ZKSCAN5: variants seen among roughly 807,000 people sequenced by gnomAD.
ZKSCAN5 encodes the protein zinc finger with KRAB and SCAN domains 5.
Under a neutral mutation model 60.0 loss-of-function variants are expected in ZKSCAN5, and 28 were observed. The observed-to-expected ratio is 0.47, with a 90% CI of 0.35 to 0.64. ZKSCAN5 has a LOEUF of 0.64. Ranked by LOEUF, ZKSCAN5 falls within the 30% of genes least tolerant of loss-of-function variation. The pLI, the probability that ZKSCAN5 is intolerant of heterozygous loss-of-function variation, is 0.01. For synonymous variants in ZKSCAN5, 361 were observed against 371.2 expected (o/e 0.97, Z 0.31); for missense variants, 881 against 1,034.6 (o/e 0.85, Z 2.04).
Position 99,506,316 on chromosome 7 carries a change from A to C in ZKSCAN5, c.272A>C (p.Glu91Ala), listed in dbSNP as rs751020828. The change falls in exon 2 of 7, where the codon GAG (glutamate) becomes GCG (alanine). Residue 91 changes from glutamate to alanine, a missense_variant. Transcript: ENST00000326775. ...PELHTKEQIL[E>A]LLVLEQFLTI... ...CTGCACACGAAGGAGCAGATCCTGG[A>C]GCTGCTGGTGCTGGAGCAGTTCCTG... The C allele has an allele frequency of 6.2e-7, 1 of 1,614,232 alleles. No homozygotes were observed. Among genetic ancestry groups the C allele is most frequent in the Non-Finnish European group, 8.5e-7 (1 of 1,180,040 alleles).
rs143166996 is a variant in ZKSCAN5, at chr7:99,533,574, G to A, written c.*1325G>A. On this transcript the variant is annotated 3_prime_UTR_variant, in exon 7 of 7. Transcript: ENST00000326775. Reference sequence around the variant, plus strand: ...CACAGCTCTTGTTCTCCAGAAACTGGAGAATTGCCCTCAGGAGATGAGAGC... The same window carrying A: ...CACAGCTCTTGTTCTCCAGAAACTGAAGAATTGCCCTCAGGAGATGAGAGC... 1.5e-4 allele frequency: 60 copies of A among 412,806 alleles called. No individual in the cohort carries two copies. In the East Asian group the frequency reaches 2.1e-3, roughly 14 times the overall value. The allele number at this position is 412,806 out of a possible 1,614,324, so 25.6% of individuals were successfully genotyped here.
Position 99,533,188 on chromosome 7 carries a change from T to G in ZKSCAN5, c.*939T>G. ...GTGCCCCAGAAATAGACCTCTCCTG[T>G]AGAGTGGTGATATACAGAATGAGTT... On this transcript the variant is annotated 3_prime_UTR_variant, in exon 7 of 7. Transcript: ENST00000326775. 1.6e-6 allele frequency: 1 copy of G among 608,526 alleles called. No homozygotes were observed. Among genetic ancestry groups the G allele is most frequent in the Non-Finnish European group, 3.1e-6 (1 of 324,966 alleles). The allele number at this position is 608,526 out of a possible 1,614,324, so 37.7% of individuals were successfully genotyped here.
Position 99,533,203 on chromosome 7 carries a change from C to A in ZKSCAN5, c.*954C>A, listed in dbSNP as rs779477064. 12 of 645,776 alleles carry A rather than the reference C, an allele frequency of 1.9e-5. No individual in the cohort carries two copies. The highest frequency in any genetic ancestry group is 1.8e-4 in the South Asian group (12 of 66,038). The allele number at this position is 645,776 out of a possible 1,614,324, so 40.0% of individuals were successfully genotyped here. ...ACCTCTCCTGTAGAGTGGTGATATA[C>A]AGAATGAGTTTCAGTTTGCATTGCA... On this transcript the variant is annotated 3_prime_UTR_variant, in exon 7 of 7. Transcript: ENST00000326775.
chr7:99,513,959 C>T (rs1801156741), intron 3 of ZKSCAN5, among the ~76,000 whole-genome samples: 1 of 152,052 alleles, frequency 6.6e-6, no homozygotes. Flanking sequence ...GCATGAGAAT[C>T]GTTTGAACCC....
chr7:99,515,931 T>G (rs185396060), intron 3 of ZKSCAN5, among the ~76,000 whole-genome samples: 9 of 151,774 alleles, frequency 5.9e-5, no homozygotes, highest in Non-Finnish European at 1.2e-4. Context: ...GAGCTAGGAT[T>G]TGAACCCAAG....
At chr7:99,527,281 A>T (rs1014363375) in intron 6 of ZKSCAN5, among the ~76,000 whole-genome samples, 1 of 152,218 alleles carries the variant, frequency 6.6e-6, no homozygotes, top group African/African-American at 2.4e-5. Flanking sequence ...AGTGAGCTAT[A>T]AATGTGTCTG....
Position 99,532,203 on chromosome 7 carries a change from G to T in ZKSCAN5, c.2474G>T (p.Arg825Met). The T allele has an allele frequency of 6.2e-7, 1 of 1,609,034 alleles. No individual in the cohort carries two copies. The highest frequency in any genetic ancestry group is 8.5e-7 in the Non-Finnish European group (1 of 1,178,562). ...SLFKHLRSHERTDPINTLSVE... is the reference protein window; with the variant it reads ...SLFKHLRSHEMTDPINTLSVE... ...TTTAAACACCTGAGAAGCCATGAGA[G>T]GACAGATCCCATAAATACCTTAAGT... Residue 825 changes from arginine to methionine, a missense_variant, in exon 7 of 7, where the codon AGG (arginine) becomes ATG (methionine). By Grantham distance (91) the Arg-to-Met change is moderately conservative. Around this residue, in one of 5 missense-constraint regions of ZKSCAN5, gnomAD observed 138 missense variants for 143.8 expected, o/e 0.96. Transcript: ENST00000326775.
intron 3 of ZKSCAN5, among the ~76,000 whole-genome samples, chr7:99,517,552 A>G (rs1417198836): frequency 6.6e-6 from 1 of 151,970 alleles, no homozygotes; most frequent in Non-Finnish European, 1.5e-5. Flanking sequence ...ATGGTGGCAC[A>G]TGCCTGTAAT....
chr7:99,508,476 G>C (rs752745178), intron 2 of ZKSCAN5, among the ~76,000 whole-genome samples: 1 of 151,956 alleles, frequency 6.6e-6, no homozygotes, highest in South Asian at 2.1e-4. Flanking sequence ...AATATTGGCC[G>C]GGCATGGTGA....
intron 6 of ZKSCAN5, among the ~76,000 whole-genome samples, chr7:99,526,699 C>G (rs1388329313): frequency 6.6e-6 from 1 of 152,102 alleles, no homozygotes; most frequent in Admixed American, 6.6e-5. Flanking sequence ...GGACAACAGG[C>G]GCGCACCAGC....
Position 99,512,582 on chromosome 7 carries a change from G to A in ZKSCAN5, c.544G>A (p.Glu182Lys). 6.2e-7 allele frequency: 1 copy of A among 1,613,966 alleles called. No individual in the cohort carries two copies. The highest frequency in any genetic ancestry group is 8.5e-7 in the Non-Finnish European group (1 of 1,179,938). The change falls in exon 3 of 7, where the codon GAG becomes AAG. Residue 182 changes from glutamate (E) to lysine (K), a missense_variant. This residue lies in a region of ZKSCAN5 where 490 missense variants were observed against 554.5 expected (regional missense o/e 0.88). Coordinates refer to ENST00000326775, the MANE Select transcript of ZKSCAN5 (RefSeq NM_145102.4). ...AGCGCCACAGAAGCCTCGTCTCCTGGAGGAAAATGGTGAGGCTCAGTGATT... is the reference window on the plus strand; with the variant it reads ...AGCGCCACAGAAGCCTCGTCTCCTGAAGGAAAATGGTGAGGCTCAGTGATT... Reference protein sequence around the residue: ...EQAPQKPRLLEENALPVLQVP... With the variant: ...EQAPQKPRLLKENALPVLQVP...
chr7:99,514,159 A>C (rs1386862214), intron 3 of ZKSCAN5, among the ~76,000 whole-genome samples: 3 of 152,206 alleles, frequency 2.0e-5, no homozygotes, highest in Non-Finnish European at 2.9e-5. Context: ...TGTGTGATGA[A>C]GTCCTTGCTG....
rs779655960 is a variant in ZKSCAN5, at chr7:99,525,977, C to A, written c.937C>A (p.Pro313Thr). The change falls in exon 6 of 7, where the codon CCC (proline) becomes ACC (threonine). Residue 313 changes from proline (P) to threonine (T), a missense_variant. Transcript: ENST00000326775. ...KGMVQRWQVN[P>T]TVGKSRQNPS... ...CATGGTACAAAGGTGGCAGGTCAAC[C>A]CCACTGTGGGGAAATCAAGGCAGAA... is the stretch of plus-strand genomic sequence containing the variant. 59 of 1,613,908 alleles carry A rather than the reference C, an allele frequency of 3.7e-5. No homozygotes were observed. In the Admixed American group the frequency reaches 9.7e-4, roughly 26 times the overall value.
chr7:99,524,370 G>A lies in ZKSCAN5; in HGVS notation c.773-1443G>A, dbSNP rs147756440. 2.7e-3 allele frequency among the ~76,000 whole-genome samples: 406 copies of A among 152,110 alleles called. 2 individuals are homozygous for A. The highest frequency in any genetic ancestry group is 7.6e-3 in the African/African-American group (315 of 41,528). On this transcript the variant is annotated intron_variant, in intron 5 of 6. Coordinates refer to ENST00000326775, the MANE Select transcript of ZKSCAN5 (RefSeq NM_145102.4). ...ATTACAGGCGTGAGCCACCACACCC[G>A]GCTGATAATTTTTGTATTTTTTGTA...
At chr7:99,524,071 G>GT (rs754856321) in intron 5 of ZKSCAN5, among the ~76,000 whole-genome samples, 4,092 of 133,538 alleles carry the variant, frequency 0.031, 152 homozygotes, top group African/African-American at 0.094. Context: ...TACTCCCTGG[G>GT]TTTTTTTTTT....
At position 99,534,019 on chromosome 7, in the gene ZKSCAN5, G is replaced by A. The variant is rs139058720; in HGVS notation, c.*1770G>A. ...TCCAGTCACTAAGTCATTCACTTGT[G>A]GGGAACTGGGATGAGATACAGGTGG... On this transcript the variant is annotated 3_prime_UTR_variant, in exon 7 of 7. Transcript: ENST00000326775. 270 of 170,256 alleles carry A rather than the reference G, an allele frequency of 1.6e-3. No individual in the cohort carries two copies. The highest frequency in any genetic ancestry group is 2.8e-3 in the Non-Finnish European group (226 of 80,588). The allele number at this position is 170,256 out of a possible 1,614,324, so 10.5% of individuals were successfully genotyped here.
intron 2 of ZKSCAN5, 140 bp downstream of exon 2, chr7:99,506,598 A>G: frequency 1.0e-6 from 1 of 993,960 alleles, no homozygotes; most frequent in Non-Finnish European, 1.4e-6. Context: ...ACTTCCTGCC[A>G]CTCCAGCAAA....
intron 5 of ZKSCAN5, among the ~76,000 whole-genome samples, chr7:99,522,752 G>A (rs1584192553): frequency 6.6e-6 from 1 of 151,816 alleles, no homozygotes; most frequent in Non-Finnish European, 1.5e-5. Context: ...CTTCCAAAGT[G>A]CTGGGATTAC....
rs753377869 is a variant in ZKSCAN5, at chr7:99,531,416, C to T, written c.1687C>T (p.His563Tyr). Residue 563 changes from histidine (H) to tyrosine (Y), a missense_variant, in exon 7 of 7, where the codon CAT becomes TAT. Physicochemically the swap from His to Tyr is moderately conservative, Grantham distance 83. Around this residue, in one of 5 missense-constraint regions of ZKSCAN5, gnomAD observed 490 missense variants for 554.5 expected, o/e 0.88. Coordinates refer to ENST00000326775, the MANE Select transcript of ZKSCAN5 (RefSeq NM_145102.4). ...ECGKSFIQSA[H>Y]LIQHQRIHTG... ...TGGGAAAAGCTTCATTCAGAGTGCA[C>T]ATCTTATTCAACATCAAAGAATACA... 1 of 1,614,182 alleles carries T rather than the reference C, an allele frequency of 6.2e-7. No homozygotes were observed. Among genetic ancestry groups the T allele is most frequent in the Non-Finnish European group, 8.5e-7 (1 of 1,180,032 alleles).
Sources: gnomAD v4.1 joint callset for allele counts (sites outside exome capture counted in the v4.1 genomes callset) on GRCh38, gnomAD v4.1.1 for gene constraint, gnomAD v4.1.1 regional missense constraint, MANE v1.5 for transcripts, NCBI Gene and HGNC (gene_info 2026-07-23, HGNC 2026-07-21) for gene names.